Variants in MMD2 observed in about 807,000 individuals in gnomAD.
The protein encoded by MMD2 is monocyte to macrophage differentiation factor 2.
MMD2 carries 30 observed loss-of-function variants against 33.5 expected under a neutral mutation model. The ratio of observed to expected loss-of-function variants is 0.90; its 90% CI spans 0.67 to 1.22. The LOEUF is 1.22. Among genes scored for constraint, MMD2 ranks in the 50% most tolerant of loss-of-function variants. The pLI is 0.00. For synonymous variants in MMD2, 129 were observed against 123.0 expected, an observed-to-expected ratio of 1.05 and a Z score of -0.32; for missense variants, 364 against 325.4, an observed-to-expected ratio of 1.12 and a Z score of -0.91.
At chr7:4,934,182 G>A (rs144196651) in intron 1 of MMD2, among the ~76,000 whole-genome samples, 2,254 of 147,550 alleles carry the variant, frequency 0.015, 50 homozygotes, top group African/African-American at 0.052. Flanking sequence ...TGCCCACCTC[G>A]GCCTCCCAAA....
In MMD2 at chr7:4,907,019, G is replaced by C. The variant is rs542173057; in HGVS notation, c.*377C>G. ...CAGAGAGGGAGGCCCTGGCCACCCA[G>C]GTATAAACAACCCACAGGACTCTTT... On this transcript the variant is annotated 3_prime_UTR_variant, in exon 7 of 7. Coordinates refer to ENST00000401401, the MANE Select transcript of MMD2 (RefSeq NM_198403.4). 1.8e-4 allele frequency: 44 copies of C among 250,454 alleles called. No individual in the cohort carries two copies. In the South Asian group the frequency reaches 2.6e-3, roughly 15 times the overall value. 15.5% of individuals were successfully genotyped at this position (250,454 alleles called of 1,614,324 possible). A position where few individuals can be genotyped will look rare whatever the true frequency, so the allele number is the denominator to read the frequency against.
chr7:4,954,068 G>A (rs1786322587), intron 1 of MMD2, among the ~76,000 whole-genome samples: 1 of 152,040 alleles, frequency 6.6e-6, no homozygotes, highest in Admixed American at 6.6e-5. Flanking sequence ...CTGGCCTCCA[G>A]AGATCCTCGC....
chr7:4,910,027 G>C, intron 5 of MMD2, 77 bp from the exon 6 acceptor site: 1 of 1,613,820 alleles, frequency 6.2e-7, no homozygotes, highest in Non-Finnish European at 8.5e-7. Context: ...CCTGTTCTTG[G>C]GGAAGAGGGA....
At chr7:4,945,210 T>TTCTTCTTCTTCTTCTTCTTCTTCTTCC (rs1363685927) in intron 1 of MMD2, among the ~76,000 whole-genome samples, 1 of 143,390 alleles carries the variant, frequency 7.0e-6, no homozygotes, top group Non-Finnish European at 1.5e-5. Flanking sequence ...CTTCTTCTTC[T>TTCTTCTTCTTCTTCTTCTTCTTCTTCC]TCTTCTTCTT....
At chr7:4,926,987 G>C (rs927114521) in intron 1 of MMD2, among the ~76,000 whole-genome samples, 3 of 150,978 alleles carry the variant, frequency 2.0e-5, no homozygotes, top group African/African-American at 7.3e-5. Flanking sequence ...CTCGTGATCC[G>C]CCTGCCTCGG....
At chr7:4,930,316 C>G (rs1424831751) in intron 1 of MMD2, among the ~76,000 whole-genome samples, 1 of 144,006 alleles carries the variant, frequency 6.9e-6, no homozygotes, top group Non-Finnish European at 1.5e-5. Context: ...GTAGGGTGGG[C>G]CCCCATCCAA....
At chr7:4,943,261 A>T (rs1169355516) in intron 1 of MMD2, among the ~76,000 whole-genome samples, 2 of 151,450 alleles carry the variant, frequency 1.3e-5, no homozygotes, top group African/African-American at 4.9e-5. Flanking sequence ...CGCCTGCCTC[A>T]GCCTCCCAAA....
At chr7:4,899,115 A>C in the MMD2 span, among the ~76,000 whole-genome samples, 104 of 152,248 alleles carry the variant, frequency 6.8e-4, no homozygotes, top group African/African-American at 2.3e-3. Flanking sequence ...TGTGTCAGTC[A>C]TGGGAGGACA....
At chr7:4,903,962 C>CTGG (rs1784827446), downstream of MMD2, among the ~76,000 whole-genome samples, 3 of 152,080 alleles carry the variant, frequency 2.0e-5, no homozygotes, top group Non-Finnish European at 4.4e-5. Flanking sequence ...GACGGAGTTT[C>CTGG]GCTTTTGTTG....
chr7:4,902,666 T>C (rs1225778159), downstream of MMD2, among the ~76,000 whole-genome samples: 1 of 152,122 alleles, frequency 6.6e-6, no homozygotes, highest in Non-Finnish European at 1.5e-5. Context: ...TGGAAGTGGG[T>C]GCTGGAATTG....
rs201166838 is a variant in MMD2, at chr7:4,909,923, G to A, written c.495C>T (p.Tyr165=). ...GGGCGGGGAAGAAGCCCATTACGAC[G>A]TAGCAGAGAAGCTCCACAAGCTTGT... ...ERYKLVELLC[Y]VVMGFFPALV... Residue 165 remains tyrosine, a synonymous_variant, in exon 6 of 7, where the codon TAC becomes TAT. Transcript: ENST00000401401. The A allele has an allele frequency of 1.6e-4, 258 of 1,613,880 alleles. No individual in the cohort carries two copies. Among genetic ancestry groups the A allele is most frequent in the African/African-American group, 1.2e-3 (92 of 75,048 alleles).
intron 6 of MMD2, among the ~76,000 whole-genome samples, chr7:4,908,896 C>CAAAA (rs765437583): frequency 0.015 from 1,111 of 75,644 alleles, 21 homozygotes; most frequent in African/African-American, 0.048. Flanking sequence ...GACTCCATCT[C>CAAAA]AAAAAAAAAA....
At chr7:4,904,074 A>G (rs1485742228), downstream of MMD2, among the ~76,000 whole-genome samples, 1 of 152,134 alleles carries the variant, frequency 6.6e-6, no homozygotes, top group Non-Finnish European at 1.5e-5. Flanking sequence ...CTGAGATTAC[A>G]AGCAGGTGCC....
downstream of MMD2, among the ~76,000 whole-genome samples, chr7:4,901,216 G>A (rs947059574): frequency 2.6e-5 from 4 of 151,826 alleles, no homozygotes; most frequent in Non-Finnish European, 2.9e-5. Flanking sequence ...CAAGGTGGGC[G>A]GATCACTTGA....
chr7:4,922,663 A>AT (rs1461795328), intron 2 of MMD2, among the ~76,000 whole-genome samples: 1 of 151,642 alleles, frequency 6.6e-6, no homozygotes, highest in African/African-American at 2.4e-5. Flanking sequence ...CAGCCTCGAC[A>AT]TCCTGGGTTC....
chr7:4,950,565 C>T (rs1786214220), intron 1 of MMD2, among the ~76,000 whole-genome samples: 1 of 152,198 alleles, frequency 6.6e-6, no homozygotes, highest in Non-Finnish European at 1.5e-5. Flanking sequence ...GGATTGGACT[C>T]CTCGAGGGAC....
intron 1 of MMD2, among the ~76,000 whole-genome samples, chr7:4,953,577 T>A (rs1224334892): frequency 6.6e-6 from 1 of 150,752 alleles, no homozygotes; most frequent in African/African-American, 2.4e-5. Flanking sequence ...TTCAAGCAAT[T>A]CTCCTGCCTC....
chr7:4,913,863 G>A (rs1043597416), intron 4 of MMD2, among the ~76,000 whole-genome samples: 1 of 151,708 alleles, frequency 6.6e-6, no homozygotes, highest in Admixed American at 6.6e-5. Context: ...GGGTTTCACC[G>A]TGTTAGCCAG....
At chr7:4,950,027 C>T (rs950743662) in intron 1 of MMD2, among the ~76,000 whole-genome samples, 1 of 151,936 alleles carries the variant, frequency 6.6e-6, no homozygotes, top group East Asian at 1.9e-4. Flanking sequence ...ATGTACTATC[C>T]TAACCATTTT....
Sources: allele counts gnomAD v4.1 joint callset (sites outside exome capture counted in the v4.1 genomes callset), GRCh38; gene constraint gnomAD v4.1.1; transcripts MANE v1.5; gene names NCBI Gene and HGNC (gene_info 2026-07-23, HGNC 2026-07-21).